Variants in ANKFN1 observed in about 807,000 individuals in gnomAD.
The protein encoded by ANKFN1 is ankyrin repeat and fibronectin type III domain containing 1, also known as ankyrin repeat and fibronectin type-III domain-containing protein 1.
Under a neutral mutation model 108.7 loss-of-function variants are expected in ANKFN1, and 74 were observed. The observed-to-expected ratio is 0.68, with a 90% CI of 0.56 to 0.83. The LOEUF is 0.83. ANKFN1 is among the 40% of genes least tolerant of loss of function. The pLI, the probability that ANKFN1 is intolerant of heterozygous loss-of-function variation, is 0.00. For missense variants in ANKFN1, 1,505 were observed against 1,382.3 expected (o/e 1.09, Z -1.41); for synonymous variants, 547 against 516.2 (o/e 1.06, Z -0.81).
chr17:56,367,269 A>G (rs2046687260), intron 6 of ANKFN1, among the ~76,000 whole-genome samples: 1 of 152,230 alleles, frequency 6.6e-6, no homozygotes, highest in Non-Finnish European at 1.5e-5. Flanking sequence ...TTGAGCAATT[A>G]TCAGCCAGGC....
At chr17:56,393,887 A>G (rs1316784712) in intron 8 of ANKFN1, among the ~76,000 whole-genome samples, 1 of 152,218 alleles carries the variant, frequency 6.6e-6, no homozygotes, top group African/African-American at 2.4e-5. Flanking sequence ...GTTCCTAGCC[A>G]AGCAGTGCAG....
At chr17:56,101,843 T>A (rs1037886063) in intron 4 of ANKFN1, among the ~76,000 whole-genome samples, 1 of 152,222 alleles carries the variant, frequency 6.6e-6, no homozygotes, top group African/African-American at 2.4e-5. Context: ...AAATGCAGAT[T>A]CTGGGCCTCA....
intron 3 of ANKFN1, among the ~76,000 whole-genome samples, chr17:56,270,476 G>T (rs2043764205): frequency 6.6e-6 from 1 of 152,152 alleles, no homozygotes; most frequent in African/African-American, 2.4e-5. Flanking sequence ...TGCTCGCAAG[G>T]TAAGCTGTCC....
intron 4 of ANKFN1, among the ~76,000 whole-genome samples, chr17:56,106,410 T>C (rs949795786): frequency 6.6e-6 from 1 of 152,170 alleles, no homozygotes; most frequent in Non-Finnish European, 1.5e-5. Context: ...TGTACAAAGG[T>C]AAGCATGGAC....
At chr17:56,138,033 TA>T (rs1907693274) in intron 4 of ANKFN1, among the ~76,000 whole-genome samples, 1 of 152,114 alleles carries the variant, frequency 6.6e-6, no homozygotes, top group Admixed American at 6.6e-5. Flanking sequence ...CTCCAAGAGG[TA>T]AAAGATACAG....
At chr17:56,230,859 C>G (rs2143931736) in intron 3 of ANKFN1, among the ~76,000 whole-genome samples, 1 of 152,140 alleles carries the variant, frequency 6.6e-6, no homozygotes, top group South Asian at 2.1e-4. Flanking sequence ...ACAGACAACA[C>G]CCTGGCTCTC....
At chr17:56,189,169 A>AAATTTTTTTTTT (rs1912593021) in intron 1 of ANKFN1, among the ~76,000 whole-genome samples, 1 of 54,656 alleles carries the variant, frequency 1.8e-5, no homozygotes. Context: ...TGTTGCCCTG[A>AAATTTTTTTTTT]CTTTTTTTTT....
intron 4 of ANKFN1, among the ~76,000 whole-genome samples, chr17:56,087,466 C>T (rs1351877351): frequency 2.0e-5 from 3 of 151,408 alleles, no homozygotes; most frequent in African/African-American, 7.3e-5. Flanking sequence ...CTAAAATCCC[C>T]TGCCTTCTGC....
In ANKFN1 at chr17:56,051,605, A is replaced by G. The variant is rs1007752692; in HGVS notation, c.288+5280A>G. Among the ~76,000 whole-genome samples the G allele has an allele frequency of 1.7e-4, 24 of 141,342 alleles. No homozygotes were observed. The East Asian group carries it at 4.8e-3, about 28-fold the overall frequency. The allele number at this position is 141,342 out of a possible 152,430, so 92.7% of individuals were successfully genotyped here. On this transcript the variant is annotated intron_variant, in intron 4 of 12. Transcript: ENST00000635860. The stretch of plus-strand genomic sequence containing the variant: ...AGGAGAAGGAAATAAAGGGTATTCA[A>G]TTAGGAAAAGAGGAAGTCAAATTGT...
At position 56,146,518 on chromosome 17, in the gene ANKFN1, G is replaced by C. The variant is rs150499845; in HGVS notation, c.289-81399G>C. Among the ~76,000 whole-genome samples the C allele has an allele frequency of 1.1e-4, 17 of 152,288 alleles. No individual in the cohort carries two copies. In the East Asian group the frequency reaches 2.5e-3, roughly 22 times the overall value. On this transcript the variant is annotated intron_variant, in intron 4 of 12. Coordinates refer to the ANKFN1 transcript ENST00000635860. The stretch of plus-strand genomic sequence containing the variant: ...ACCCATCCCAAACCTCAATTTTTAA[G>C]GTTCCCAAACCTCAGTTTTTGACTT...
At chr17:56,289,221 G>T (rs1411279682) in intron 3 of ANKFN1, among the ~76,000 whole-genome samples, 1 of 152,174 alleles carries the variant, frequency 6.6e-6, no homozygotes, top group African/African-American at 2.4e-5. Context: ...AGTGCTTATA[G>T]TTCCTGAGAG....
At chr17:56,356,216 T>C (rs977376910) in intron 6 of ANKFN1, among the ~76,000 whole-genome samples, 2 of 152,114 alleles carry the variant, frequency 1.3e-5, no homozygotes, top group African/African-American at 4.8e-5. Flanking sequence ...ACTTTCCATG[T>C]ATTGACTCCT....
chr17:56,261,961 G>A (rs1411062436), intron 3 of ANKFN1, among the ~76,000 whole-genome samples: 1 of 152,022 alleles, frequency 6.6e-6, no homozygotes, highest in Admixed American at 6.5e-5. Context: ...CCCTGCCCAG[G>A]TCCCCAAGGG....
chr17:56,442,710 C>G, intron 9 of ANKFN1, 133 bp from the exon 10 acceptor site: 2 of 699,178 alleles, frequency 2.9e-6, no homozygotes, highest in Non-Finnish European at 4.6e-6. Context: ...CCCATGAACT[C>G]TGTTGCATGG....
intron 4 of ANKFN1, among the ~76,000 whole-genome samples, chr17:56,129,181 A>G (rs1379627916): frequency 6.6e-6 from 1 of 152,206 alleles, no homozygotes; most frequent in African/African-American, 2.4e-5. Context: ...GTGGCTTCCT[A>G]TAATGATAAA....
At chr17:56,480,929 T>C in intron 17 of ANKFN1, 111 bp downstream of exon 17, 5 of 1,198,658 alleles carry the variant, frequency 4.2e-6, no homozygotes, top group Non-Finnish European at 5.7e-6. Flanking sequence ...GTGTAAATTT[T>C]CCTTTACTTA....
chr17:56,492,376 G>C (rs1217274754), intron 19 of ANKFN1, 23 bp downstream of exon 19: 1 of 696,790 alleles, frequency 1.4e-6, no homozygotes, highest in Admixed American at 2.0e-5. Context: ...TCCTTCTGGG[G>C]TAAAAGGAAG....
intron 3 of ANKFN1, among the ~76,000 whole-genome samples, chr17:56,233,194 T>C (rs752931578): frequency 1.2e-4 from 19 of 152,070 alleles, no homozygotes; most frequent in Admixed American, 2.0e-4. Context: ...TATATGCTAA[T>C]AGAGCCACCC....
intron 3 of ANKFN1, among the ~76,000 whole-genome samples, chr17:56,321,171 G>A (rs1219798596): frequency 6.6e-6 from 1 of 151,796 alleles, no homozygotes; most frequent in Non-Finnish European, 1.5e-5. Context: ...AGGAAGAAGA[G>A]TTTCACATTC....
Sources: gnomAD v4.1 joint callset for allele counts (sites outside exome capture counted in the v4.1 genomes callset) on GRCh38, gnomAD v4.1.1 for gene constraint, MANE v1.5 for transcripts, NCBI Gene and HGNC (gene_info 2026-07-23, HGNC 2026-07-21) for gene names.